Variants in GOLM1 observed in about 807,000 individuals in gnomAD.
GOLM1 encodes golgi membrane protein 1.
In GOLM1, 31 loss-of-function variants were observed where a neutral mutation model predicts 50.5. The observed-to-expected ratio is 0.61, with a 90% confidence interval of 0.46 to 0.83. The LOEUF (loss-of-function observed/expected upper bound fraction) is 0.83, where lower values mean the gene tolerates loss of function less well. Among genes scored for constraint, GOLM1 ranks in the 40% least tolerant of loss-of-function variants. The pLI, the probability that GOLM1 is intolerant of heterozygous loss-of-function variation, is 0.00. For synonymous variants in GOLM1, 178 were observed against 192.8 expected, an observed-to-expected ratio of 0.92 and a Z score of 0.64; for missense variants, 491 against 501.3, an observed-to-expected ratio of 0.98 and a Z score of 0.20.
At chr9:86,036,232 T>C (rs1194052438) in intron 7 of GOLM1, 116 bp downstream of exon 7, 6 of 1,024,668 alleles carry the variant, frequency 5.9e-6, no homozygotes, top group Non-Finnish European at 9.2e-6. Flanking sequence ...GACACGTCCC[T>C]GCTCCTGGCT....
intron 1 of GOLM1, among the ~76,000 whole-genome samples, chr9:86,086,438 T>C (rs1418312058): frequency 3.9e-5 from 6 of 152,206 alleles, no homozygotes; most frequent in South Asian, 2.1e-4. Context: ...TGATAGCCTC[T>C]TTAGCTGTGC....
intron 1 of GOLM1, among the ~76,000 whole-genome samples, chr9:86,096,479 T>C (rs1835359462): frequency 6.6e-6 from 1 of 152,198 alleles, no homozygotes; most frequent in Non-Finnish European, 1.5e-5. Flanking sequence ...AGCATTACCT[T>C]GGAATTTGTC....
chr9:86,042,730 G>C (rs902159433), intron 5 of GOLM1, among the ~76,000 whole-genome samples: 7 of 152,116 alleles, frequency 4.6e-5, no homozygotes, highest in Admixed American at 1.3e-4. Context: ...CCTGCAAAAG[G>C]GAAGTACTGA....
intron 9 of GOLM1, among the ~76,000 whole-genome samples, chr9:86,030,009 C>T (rs748708897): frequency 6.6e-6 from 1 of 152,056 alleles, no homozygotes; most frequent in Admixed American, 6.5e-5. Flanking sequence ...GTCAGGATTT[C>T]GAGACCAGCC....
chr9:86,029,678 AG>A (rs1241197633), intron 9 of GOLM1, among the ~76,000 whole-genome samples: 1 of 152,208 alleles, frequency 6.6e-6, no homozygotes, highest in East Asian at 1.9e-4. Context: ...ATTTCCCTGG[AG>A]CAAGTAAGGT....
At chr9:86,063,377 G>A (rs1376769056) in intron 3 of GOLM1, among the ~76,000 whole-genome samples, 1 of 152,218 alleles carries the variant, frequency 6.6e-6, no homozygotes, top group African/African-American at 2.4e-5. Context: ...AATCCTAGCA[G>A]CTTCCCTGCT....
chr9:86,079,686 C>T, intron 1 of GOLM1: 1 of 194,196 alleles, frequency 5.1e-6, no homozygotes, highest in East Asian at 1.3e-4. Flanking sequence ...ACTCACCTTC[C>T]CGGCATAGTT....
At chr9:86,043,412 A>G (rs1470338281) in intron 5 of GOLM1, among the ~76,000 whole-genome samples, 1 of 152,156 alleles carries the variant, frequency 6.6e-6, no homozygotes, top group Non-Finnish European at 1.5e-5. Context: ...GAAGGATTAG[A>G]CCAGACAGGA....
intron 7 of GOLM1, among the ~76,000 whole-genome samples, chr9:86,035,878 C>CA (rs1212918413): frequency 3.0e-5 from 3 of 101,546 alleles, no homozygotes; most frequent in Non-Finnish European, 5.8e-5. Flanking sequence ...AAAAAAAAAA[C>CA]AAAACAAAAA....
rs2118591941 is a variant in GOLM1 at position 86,027,772 on chromosome 9, G to GTCATC, written c.*40_*44dup. 2 of 1,594,520 alleles carry GTCATC rather than the reference G, an allele frequency of 1.3e-6. No homozygotes were observed. Among genetic ancestry groups the GTCATC allele is most frequent in the South Asian group, 2.3e-5 (2 of 87,648 alleles). ...TTCAGTCCCTCATGAACATTTTATA[G>GTCATC]TCATCTCTTCGGCCCTGTTGTGAAA... is the stretch of plus-strand genomic sequence containing the variant. On this transcript the variant is annotated 3_prime_UTR_variant, in exon 10 of 10. Coordinates refer to ENST00000388712, the MANE Select transcript of GOLM1 (RefSeq NM_016548.4).
chr9:86,056,663 G>A lies in GOLM1; in HGVS notation c.310-4072C>T, dbSNP rs188311116. On this transcript the variant is annotated intron_variant, in intron 3 of 9. Transcript: ENST00000388712. ...TGGGACTACAGGCGCCCGCCACCAC[G>A]CCTGGCTAATTTTTTTTATTTTAGT... Among the ~76,000 whole-genome samples, 401 of 151,910 alleles carry A rather than the reference G, an allele frequency of 2.6e-3. 1 individual carries two copies. The highest frequency in any genetic ancestry group is 4.0e-3 in the Non-Finnish European group (269 of 67,936).
At chr9:86,031,816 TACAG>T (rs1218710064) in intron 9 of GOLM1, among the ~76,000 whole-genome samples, 1 of 147,942 alleles carries the variant, frequency 6.8e-6, no homozygotes, top group Non-Finnish European at 1.5e-5. Context: ...AATGAATTGA[TACAG>T]GCATTGACCA....
rs769523793 is a variant in GOLM1 at position 86,077,488 on chromosome 9, C to T, written c.233G>A (p.Arg78Gln). 5.0e-6 allele frequency: 8 copies of T among 1,613,394 alleles called. No homozygotes were observed. The highest frequency in any genetic ancestry group is 2.7e-5 in the African/African-American group (2 of 74,912). ...NEFQGELEKQ[R>Q]EQLDKIQSSH... Reference sequence around the variant, plus strand: ...GGACTGGATTTTGTCAAGCTGCTCCCGCTGCTTCTCCAGCTCTCCCTGGAA... The same window carrying T: ...GGACTGGATTTTGTCAAGCTGCTCCTGCTGCTTCTCCAGCTCTCCCTGGAA... Residue 78 changes from arginine to glutamine, a missense_variant, in exon 3 of 10, where the codon CGG becomes CAG. Physicochemically the swap from Arg to Gln is conservative, Grantham distance 43 (BLOSUM62 1). Coordinates refer to ENST00000388712, the MANE Select transcript of GOLM1 (RefSeq NM_016548.4).
intron 1 of GOLM1, among the ~76,000 whole-genome samples, chr9:86,088,345 T>G (rs577131205): frequency 1.1e-4 from 16 of 149,552 alleles, no homozygotes; most frequent in Admixed American, 1.1e-3. Flanking sequence ...TCTTTATTAG[T>G]CTGGCTAGCA....
chr9:86,034,998 C>A (rs1459886471), intron 8 of GOLM1: 5 of 984,774 alleles, frequency 5.1e-6, no homozygotes, highest in East Asian at 1.1e-4. Context: ...TCACTAGGCA[C>A]TGATTGTCTA....
chr9:86,028,902 G>T (rs184596858), intron 9 of GOLM1, among the ~76,000 whole-genome samples: 1 of 145,684 alleles, frequency 6.9e-6, no homozygotes, highest in African/African-American at 2.6e-5. Flanking sequence ...AGGCTGGAGT[G>T]CAGTCGTGCG....
At chr9:86,090,631 T>G (rs990988499) in intron 1 of GOLM1, among the ~76,000 whole-genome samples, 2 of 152,026 alleles carry the variant, frequency 1.3e-5, no homozygotes, top group East Asian at 3.9e-4. Flanking sequence ...ACTGCTGTGC[T>G]GGCAGCAAGA....
At chr9:86,031,081 G>A (rs905192111) in intron 9 of GOLM1, among the ~76,000 whole-genome samples, 3 of 152,124 alleles carry the variant, frequency 2.0e-5, no homozygotes, top group Admixed American at 1.3e-4. Flanking sequence ...GTGGTGGCGT[G>A]CGCCTCTAAT....
In GOLM1 at chr9:86,040,803, G is replaced by T. The variant is rs558855417; in HGVS notation, c.533C>A (p.Thr178Asn). 94 of 1,613,534 alleles carry T rather than the reference G, an allele frequency of 5.8e-5. 3 individuals carry two copies. In the South Asian group the frequency reaches 9.9e-4, roughly 17 times the overall value. The change falls in exon 6 of 10, where the codon ACC (threonine) becomes AAC (asparagine). Residue 178 changes from threonine (T) to asparagine (N), a missense_variant. Thr to Asn is a moderately conservative substitution (Grantham distance 65, BLOSUM62 0). Coordinates refer to ENST00000388712, the MANE Select transcript of GOLM1 (RefSeq NM_016548.4). ...EQCEERIEEVTKKGNEAVASR... is the reference protein window; with the variant it reads ...EQCEERIEEVNKKGNEAVASR... The stretch of plus-strand genomic sequence containing the variant: ...AGCTACAGCTTCATTCCCCTTTTTG[G>T]TGACCTCTTCTATTCGCTCCTCACA...
Sources: gnomAD v4.1 joint callset for allele counts (sites outside exome capture counted in the v4.1 genomes callset) on GRCh38, gnomAD v4.1.1 for gene constraint, MANE v1.5 for transcripts, NCBI Gene and HGNC (gene_info 2026-07-23, HGNC 2026-07-21) for gene names.